P4HA3: variants seen among roughly 807,000 people sequenced by gnomAD.
The protein encoded by P4HA3 is prolyl 4-hydroxylase subunit alpha-3.
Under a neutral mutation model 66.7 loss-of-function variants are expected in P4HA3, and 60 were observed. The ratio of observed to expected loss-of-function variants is 0.90; its 90% CI spans 0.73 to 1.12. P4HA3 has a LOEUF of 1.12. Ranked by LOEUF, P4HA3 falls within the 50% of genes most tolerant of loss-of-function variation. P4HA3 has a pLI of 0.00. For synonymous variants in P4HA3, 263 were observed against 274.6 expected, an observed-to-expected ratio of 0.96 and a Z score of 0.42; for missense variants, 683 against 685.8, an observed-to-expected ratio of 1.00 and a Z score of 0.05.
chr11:74,299,023 C>G (rs894774683), intron 3 of P4HA3, among the ~76,000 whole-genome samples: 1 of 152,224 alleles, frequency 6.6e-6, no homozygotes, highest in African/African-American at 2.4e-5. Context: ...TAAGTATTTT[C>G]TATGTGCCTA....
In P4HA3 at chr11:74,311,431, G is replaced by A. The variant is rs1395233589; in HGVS notation, c.181C>T (p.Arg61Trp). The A allele has an allele frequency of 6.5e-7, 1 of 1,532,246 alleles. No individual in the cohort carries two copies. The highest frequency in any genetic ancestry group is 2.0e-5 in the Admixed American group (1 of 50,336). The allele number at this position is 1,532,246 out of a possible 1,614,324, so 94.9% of individuals were successfully genotyped here. A position where few individuals can be genotyped will look rare whatever the true frequency, so the allele number is the denominator to read the frequency against. Residue 61 changes from arginine to tryptophan, a missense_variant, in exon 1 of 13, where the codon CGG (arginine) becomes TGG (tryptophan). Physicochemically the swap from Arg to Trp is moderately radical, Grantham distance 101. Coordinates refer to ENST00000331597, the MANE Select transcript of P4HA3 (RefSeq NM_182904.5). ...CCTCACCTAGTCAGGTCCCGCAGCCGCGCCTCCTCCCCGCGCAGGTACCGC... is the reference window on the plus strand; with the variant it reads ...CCTCACCTAGTCAGGTCCCGCAGCCACGCCTCCTCCCCGCGCAGGTACCGC... ...LRRYLRGEEA[R>W]LRDLTRFYDK...
In P4HA3 at chr11:74,298,211, C is replaced by T. The variant is rs1591129897; in HGVS notation, c.717+1G>A. ...GCAGTGAGCTTCACTTACTCCCTTA[C>T]CCGGAAATAAGCAAAGGCCAAGTGA... On this transcript the variant is annotated splice_donor_variant, in intron 4 of 12. Transcript: ENST00000331597. LOFTEE classifies it high-confidence loss of function. 5 of 1,613,234 alleles carry T rather than the reference C, an allele frequency of 3.1e-6. No individual in the cohort carries two copies. Among genetic ancestry groups the T allele is most frequent in the East Asian group, 4.5e-5 (2 of 44,856 alleles).
chr11:74,285,560 G>T, intron 7 of P4HA3: 1 of 418,282 alleles, frequency 2.4e-6, no homozygotes. Flanking sequence ...TCCCTAACAA[G>T]ATATTGAGAG....
intron 15 of P4HA3, among the ~76,000 whole-genome samples, chr11:74,257,074 C>CAGT (rs1859842397): frequency 6.6e-6 from 1 of 152,126 alleles, no homozygotes; most frequent in South Asian, 2.1e-4. Flanking sequence ...TGGGGGTGGG[C>CAGT]AGTAACTAAA....
intron 12 of P4HA3, 146 bp from the exon 13 acceptor site, chr11:74,267,464 G>T: frequency 2.1e-6 from 2 of 961,536 alleles, no homozygotes; most frequent in Non-Finnish European, 3.0e-6. Flanking sequence ...CCTAGTCCTG[G>T]CCTCACTATG....
intron 10 of P4HA3, among the ~76,000 whole-genome samples, chr11:74,271,817 T>A (rs897277622): frequency 6.6e-6 from 1 of 152,142 alleles, no homozygotes; most frequent in Non-Finnish European, 1.5e-5. Context: ...GTCTTGAAAT[T>A]GTCTCGAGAA....
At chr11:74,279,059 AAAGTT>A (rs1411488964) in intron 8 of P4HA3, among the ~76,000 whole-genome samples, 1 of 152,218 alleles carries the variant, frequency 6.6e-6, no homozygotes, top group East Asian at 1.9e-4. Context: ...GGAATCTTGT[AAAGTT>A]AAATTACAAA....
intron 4 of P4HA3, among the ~76,000 whole-genome samples, chr11:74,291,236 GCT>G (rs1861011452): frequency 6.6e-6 from 1 of 152,006 alleles, no homozygotes; most frequent in South Asian, 2.1e-4. Flanking sequence ...CCATGATTTG[GCT>G]CTCTGTTTGT....
At chr11:74,260,918 G>C (rs116635783) in intron 14 of P4HA3, among the ~76,000 whole-genome samples, 2 of 152,092 alleles carry the variant, frequency 1.3e-5, no homozygotes, top group South Asian at 4.1e-4. Flanking sequence ...TCACGACTTT[G>C]GTAATGACAC....
downstream of P4HA3, among the ~76,000 whole-genome samples, chr11:74,264,995 C>A (rs1289219599): frequency 6.6e-6 from 1 of 152,218 alleles, no homozygotes; most frequent in Non-Finnish European, 1.5e-5. Flanking sequence ...CAGTCTGTGG[C>A]ACTCTCAACA....
intron 8 of P4HA3, among the ~76,000 whole-genome samples, chr11:74,278,918 G>T (rs1207243002): frequency 2.6e-5 from 4 of 152,052 alleles, no homozygotes; most frequent in African/African-American, 9.7e-5. Flanking sequence ...AGGGCTGGAG[G>T]GGTGGGATAA....
Position 74,298,203 on chromosome 11 carries a change from C to A in P4HA3, c.717+9G>T, listed in dbSNP as rs747029178. On this transcript the variant is annotated intron_variant, in intron 4 of 12. Transcript: ENST00000331597. The stretch of plus-strand genomic sequence containing the variant: ...TAATAAAAGCAGTGAGCTTCACTTA[C>A]TCCCTTACCCGGAAATAAGCAAAGG... 10 of 1,612,194 alleles carry A rather than the reference C, an allele frequency of 6.2e-6. No individual in the cohort carries two copies. In the East Asian group the frequency reaches 2.2e-4, roughly 36 times the overall value.
rs1374714853 is a variant in P4HA3 at position 74,289,202 on chromosome 11, A to AT, written c.718-73dup. 6 of 1,128,638 alleles carry AT rather than the reference A, an allele frequency of 5.3e-6. No homozygotes were observed. The African/African-American group carries it at 1.2e-4, about 23-fold the overall frequency. The allele number at this position is 1,128,638 out of a possible 1,614,324, so 69.9% of individuals were successfully genotyped here. ...ATATCTCTTCTGAACAAACCATTAA[A>AT]TTAAAAAAAAAAAAAGATAAAATAT... is the stretch of plus-strand genomic sequence containing the variant. On this transcript the variant is annotated intron_variant, in intron 4 of 12. Transcript: ENST00000331597.
intron 4 of P4HA3, among the ~76,000 whole-genome samples, chr11:74,296,756 C>T (rs892678622): frequency 3.3e-5 from 5 of 152,228 alleles, no homozygotes; most frequent in African/African-American, 1.2e-4. Flanking sequence ...TCAGGGTAAG[C>T]TGCTTTAGTT....
intron 3 of P4HA3, among the ~76,000 whole-genome samples, chr11:74,299,956 T>A (rs1168343146): frequency 6.6e-6 from 1 of 152,098 alleles, no homozygotes; most frequent in Non-Finnish European, 1.5e-5. Flanking sequence ...CAGAAAAAAA[T>A]TTGCTTGCTA....
Position 74,282,973 on chromosome 11 carries a change from A to G in P4HA3, c.1110+2836T>C, listed in dbSNP as rs1345621585. 2.0e-5 allele frequency among the ~76,000 whole-genome samples: 3 copies of G among 152,168 alleles called. No individual in the cohort carries two copies. The East Asian group carries it at 5.8e-4, about 29-fold the overall frequency. On this transcript the variant is annotated intron_variant, in intron 7 of 12. Coordinates refer to ENST00000331597, the MANE Select transcript of P4HA3 (RefSeq NM_182904.5). ...GTGCAGGGCTTCAACTGAGTCTTCA[A>G]AGATGGGCAGGATGTGGTGAGAGAG...
chr11:74,274,166 C>T (rs772331966), intron 9 of P4HA3, among the ~76,000 whole-genome samples: 2 of 152,158 alleles, frequency 1.3e-5, no homozygotes, highest in Admixed American at 6.5e-5. Context: ...TCAATCCCTG[C>T]TCTCACCTCC....
chr11:74,270,477 GA>G (rs1250715565), intron 10 of P4HA3, among the ~76,000 whole-genome samples: 2 of 143,830 alleles, frequency 1.4e-5, no homozygotes, highest in African/African-American at 4.9e-5. Flanking sequence ...TTTAAAACAG[GA>G]AAATATTTTT....
Position 74,285,938 on chromosome 11 carries a change from A to G in P4HA3, c.981T>C (p.Asn327=), listed in dbSNP as rs375203026. 36 of 1,611,254 alleles carry G rather than the reference A, an allele frequency of 2.2e-5. No homozygotes were observed. Among genetic ancestry groups the G allele is most frequent in the Non-Finnish European group, 2.7e-5 (32 of 1,177,544 alleles). ...GCTGGAGCAGCAGGTAGGCGTTGGA[A>G]TTGGTCTCATAGGAACAGTAGAGGC... ...IPSLYCSYET[N]SNAYLLLQPI... The change falls in exon 7 of 13, where the codon AAT becomes AAC. Residue 327 remains asparagine (N), a synonymous_variant. Coordinates refer to ENST00000331597, the MANE Select transcript of P4HA3 (RefSeq NM_182904.5).
Sources: allele counts gnomAD v4.1 joint callset (sites outside exome capture counted in the v4.1 genomes callset), GRCh38; gene constraint gnomAD v4.1.1; transcripts MANE v1.5; gene names NCBI Gene and HGNC (gene_info 2026-07-23, HGNC 2026-07-21).